XRCC2: variants seen among roughly 807,000 people sequenced by gnomAD.
XRCC2 encodes the protein X-ray repair cross complementing 2, also known as DNA repair protein XRCC2.
XRCC2 carries 24 observed loss-of-function variants against 27.3 expected under a neutral mutation model. That is an observed-to-expected ratio of 0.88 (90% CI 0.64 to 1.24). The LOEUF (loss-of-function observed/expected upper bound fraction) is 1.24. Among genes scored for constraint, XRCC2 ranks in the 50% most tolerant of loss-of-function variants. The pLI, the probability that XRCC2 is intolerant of heterozygous loss-of-function variation, is 0.00. For missense variants in XRCC2, 321 were observed against 325.8 expected (o/e 0.99, Z 0.11); for synonymous variants, 106 against 115.4 (o/e 0.92, Z 0.52).
At chr7:152,658,844 TC>T (rs34815706) in intron 2 of XRCC2, among the ~76,000 whole-genome samples, 1 of 152,206 alleles carries the variant, frequency 6.6e-6, no homozygotes. Context: ...TGGATACTTT[TC>T]CCCCCAGGGA....
At chr7:152,656,718 C>T (rs2098030838) in intron 2 of XRCC2, among the ~76,000 whole-genome samples, 1 of 152,162 alleles carries the variant, frequency 6.6e-6, no homozygotes, top group African/African-American at 2.4e-5. Context: ...ATAAGGCTCA[C>T]CTTAATAATA....
chr7:152,652,327 C>T (rs1253841029), intron 2 of XRCC2, among the ~76,000 whole-genome samples: 1 of 151,836 alleles, frequency 6.6e-6, no homozygotes, highest in Non-Finnish European at 1.5e-5. Context: ...AGGAGCTATG[C>T]TGAACCCGCC....
At position 152,673,684 on chromosome 7, in the gene XRCC2, A is replaced by G. The variant is rs1268805518; in HGVS notation, c.39+2357T>C. Among the ~76,000 whole-genome samples the G allele has an allele frequency of 1.3e-5, 2 of 152,010 alleles. 1 individual carries two copies. Among genetic ancestry groups the G allele is most frequent in the South Asian group, 4.1e-4 (2 of 4,822 alleles). On this transcript the variant is annotated intron_variant, in intron 1 of 2. Transcript: ENST00000359321. ...AGTTTAAGACCAGCCTGGCCAACATAGTGAAACCCGGTCTCTGCTAAAAAA... is the reference window on the plus strand; with the variant it reads ...AGTTTAAGACCAGCCTGGCCAACATGGTGAAACCCGGTCTCTGCTAAAAAA...
intron 1 of XRCC2, among the ~76,000 whole-genome samples, chr7:152,664,377 G>T (rs1456678651): frequency 6.6e-6 from 1 of 152,004 alleles, no homozygotes; most frequent in African/African-American, 2.4e-5. Context: ...GTGTCATGAG[G>T]GTGTTTCTGG....
rs530664762 is a variant in XRCC2 at position 152,663,346 on chromosome 7, T to TAAAAAAAAAAAAA, written c.40-2577_40-2565dup. 1.2e-3 allele frequency among the ~76,000 whole-genome samples: 100 copies of TAAAAAAAAAAAAA among 80,884 alleles called. 3 individuals are homozygous for TAAAAAAAAAAAAA. Among genetic ancestry groups the TAAAAAAAAAAAAA allele is most frequent in the African/African-American group, 2.8e-3 (62 of 22,368 alleles). The allele number at this position is 80,884 out of a possible 152,430, so 53.1% of individuals were successfully genotyped here. A position where few individuals can be genotyped will look rare whatever the true frequency, so the allele number is the denominator to read the frequency against. ...GCTTTACGTAAGAATGTCTTTGAAG[T>TAAAAAAAAAAAAA]AAAAAAAAAAAAAAAAAAAAAAAAA... On this transcript the variant is annotated intron_variant, in intron 1 of 2. Coordinates refer to ENST00000359321, the MANE Select transcript of XRCC2 (RefSeq NM_005431.2).
At chr7:152,663,820 C>G (rs1317192029) in intron 1 of XRCC2, 1 of 145,560 alleles carries the variant, frequency 6.9e-6, no homozygotes, top group Non-Finnish European at 1.5e-5. Context: ...GCCTGGGCCA[C>G]AGAGCAAGAC....
At chr7:152,670,319 G>A (rs559356302) in intron 1 of XRCC2, among the ~76,000 whole-genome samples, 1 of 152,256 alleles carries the variant, frequency 6.6e-6, no homozygotes, top group Non-Finnish European at 1.5e-5. Flanking sequence ...TATTGGCTTT[G>A]TTACCAATTC....
At chr7:152,654,197 C>CAAAAAA (rs11411109) in intron 2 of XRCC2, among the ~76,000 whole-genome samples, 18 of 92,120 alleles carry the variant, frequency 2.0e-4, no homozygotes, top group East Asian at 7.1e-4. Context: ...AACTCCATCT[C>CAAAAAA]AAAAAAAAAA....
chr7:152,666,991 G>A (rs963693679), intron 1 of XRCC2, among the ~76,000 whole-genome samples: 2 of 152,132 alleles, frequency 1.3e-5, no homozygotes, highest in African/African-American at 4.8e-5. Flanking sequence ...GCATGTATAC[G>A]AATGAATAAC....
Position 152,648,498 on chromosome 7 carries a change from A to AT in XRCC2, c.*143dup. The AT allele has an allele frequency of 1.2e-6, 1 of 843,230 alleles. No homozygotes were observed. The highest frequency in any genetic ancestry group is 1.8e-6 in the Non-Finnish European group (1 of 566,214). The allele number at this position is 843,230 out of a possible 1,614,324, so 52.2% of individuals were successfully genotyped here. A position where few individuals can be genotyped will look rare whatever the true frequency, so the allele number is the denominator to read the frequency against. On this transcript the variant is annotated 3_prime_UTR_variant, in exon 3 of 3. Coordinates refer to ENST00000359321, the MANE Select transcript of XRCC2 (RefSeq NM_005431.2). ...CACTCTAGGAGGCACACATAGGAGG[A>AT]TCCCTTGAGGCCAGGAGTTCAAGGC...
chr7:152,667,949 AC>A, intron 1 of XRCC2, among the ~76,000 whole-genome samples: 1 of 150,718 alleles, frequency 6.6e-6, no homozygotes, highest in East Asian at 2.0e-4. Context: ...AATCACTTGA[AC>A]CCAGAAGGTG....
At chr7:152,666,236 G>T (rs1216361937) in intron 1 of XRCC2, among the ~76,000 whole-genome samples, 1 of 151,904 alleles carries the variant, frequency 6.6e-6, no homozygotes, top group African/African-American at 2.4e-5. Context: ...TTGAGACAGG[G>T]TCTTGCTTTG....
chr7:152,667,418 A>AAAAG (rs1252000516), intron 1 of XRCC2, among the ~76,000 whole-genome samples: 1 of 74,324 alleles, frequency 1.3e-5, no homozygotes, highest in Non-Finnish European at 2.9e-5. Flanking sequence ...AAAAAAAAAA[A>AAAAG]AAAAAAAAGA....
rs763012275 is a variant in XRCC2 at position 152,649,240 on chromosome 7, T to C, written c.245A>G (p.Asp82Gly). The C allele has an allele frequency of 6.2e-7, 1 of 1,613,768 alleles. No individual in the cohort carries two copies. Among genetic ancestry groups the C allele is most frequent in the Admixed American group, 1.7e-5 (1 of 59,996 alleles). ...GGLEVEVLFI[D>G]TDYHFDMLRL... ...GAGCATATCAAAGTGGTAATCTGTA[T>C]CAATAAATAAGACTTCTACTTCCAG... Residue 82 changes from aspartate to glycine, a missense_variant, in exon 3 of 3, where the codon GAT becomes GGT. By Grantham distance (94) the Asp-to-Gly change is moderately conservative. Coordinates refer to ENST00000359321, the MANE Select transcript of XRCC2 (RefSeq NM_005431.2).
At chr7:152,650,880 C>G (rs1056457355) in intron 2 of XRCC2, among the ~76,000 whole-genome samples, 2 of 152,102 alleles carry the variant, frequency 1.3e-5, no homozygotes, top group African/African-American at 4.8e-5. Flanking sequence ...GAGCGAAACT[C>G]CGTCTCAAAA....
intron 1 of XRCC2, among the ~76,000 whole-genome samples, chr7:152,666,217 AT>A (rs900339408): frequency 4.0e-5 from 6 of 149,936 alleles, no homozygotes; most frequent in African/African-American, 9.8e-5. Flanking sequence ...TTCTTCAATA[AT>A]TTTTTTTTTG....
In XRCC2 at chr7:152,665,487, C is replaced by CTTTTTT. The variant is rs66692067; in HGVS notation, c.40-4711_40-4706dup. Among the ~76,000 whole-genome samples the CTTTTTT allele has an allele frequency of 6.3e-3, 527 of 84,262 alleles. 28 individuals carry two copies. Among genetic ancestry groups the CTTTTTT allele is most frequent in the African/African-American group, 0.011 (245 of 22,558 alleles). The allele number at this position is 84,262 out of a possible 152,430, so 55.3% of individuals were successfully genotyped here. A position where few individuals can be genotyped will look rare whatever the true frequency, so the allele number is the denominator to read the frequency against. ...ATTTCACTCCAACTGTAAGACAAAC[C>CTTTTTT]TTTTTTTTTTTTTTTTTTTTTTTAG... On this transcript the variant is annotated intron_variant, in intron 1 of 2. Transcript: ENST00000359321.
rs373877121 is a variant in XRCC2 at position 152,676,041 on chromosome 7, C to G, written c.39G>C (p.Glu13Asp). Residue 13 changes from glutamate (E) to aspartate (D), a missense_variant and splice_region_variant, in exon 1 of 3, where the codon GAG becomes GAC. Glu to Asp is a conservative substitution (Grantham distance 45). Transcript: ENST00000359321. ...SAFHRAESGT[E>D]LLARLEGRSS... ...TCACTCCCAACCCGGCGGCTCTCAC[C>G]TCGGTCCCAGACTCAGCCCTATGGA... is the stretch of plus-strand genomic sequence containing the variant. 3.1e-6 allele frequency: 5 copies of G among 1,613,694 alleles called. No homozygotes were observed. The African/African-American group carries it at 6.7e-5, about 22-fold the overall frequency.
chr7:152,661,099 G>A (rs2098032900), intron 1 of XRCC2, among the ~76,000 whole-genome samples: 1 of 152,154 alleles, frequency 6.6e-6, no homozygotes, highest in Non-Finnish European at 1.5e-5. Flanking sequence ...AAGAGGCAGA[G>A]GTTGCAGCCT....
Sources: allele counts gnomAD v4.1 joint callset (sites outside exome capture counted in the v4.1 genomes callset), GRCh38; gene constraint gnomAD v4.1.1; transcripts MANE v1.5; gene names NCBI Gene and HGNC (gene_info 2026-07-23, HGNC 2026-07-21).